CFAP92: variants seen among roughly 807,000 people sequenced by gnomAD.
CFAP92 encodes the protein uncharacterized protein CFAP92.
CFAP92 carries 86 observed loss-of-function variants against 106.3 expected under a neutral mutation model. The observed-to-expected ratio is 0.81, with a 90% CI of 0.68 to 0.97. The LOEUF (loss-of-function observed/expected upper bound fraction) is 0.97, where lower values mean the gene tolerates loss of function less well. Ranked by LOEUF, CFAP92 falls within the 50% of genes least tolerant of loss-of-function variation. The pLI, the probability that CFAP92 is intolerant of heterozygous loss-of-function variation, is 0.00. For missense variants in CFAP92, 1,204 were observed against 1,283.8 expected, an observed-to-expected ratio of 0.94 and a Z score of 0.95; for synonymous variants, 477 against 506.4, an observed-to-expected ratio of 0.94 and a Z score of 0.78.
At chr3:129,022,229 C>T in the CFAP92 span, among the ~76,000 whole-genome samples, 4 of 152,212 alleles carry the variant, frequency 2.6e-5, no homozygotes, top group Non-Finnish European at 5.9e-5. Context: ...CATAGGACCG[C>T]CAGGCCCAGC....
Position 128,993,199 on chromosome 3 carries a change from G to A in CFAP92, c.106C>T (p.His36Tyr). The change falls in exon 2 of 16, where the codon CAC becomes TAC. Residue 36 changes from histidine to tyrosine, a missense_variant. By Grantham distance (83) the His-to-Tyr change is moderately conservative. Transcript: ENST00000645291. ...QSTSECDVEE[H>Y]LKAKARAQES... is the part of the protein sequence containing the mutation. ...TGGGCCCTGGCCTTGGCCTTCAGGT[G>A]TTCCTCCACGTCACACTCGCTCGTG... 1 of 1,614,088 alleles carries A rather than the reference G, an allele frequency of 6.2e-7. No homozygotes were observed.
chr3:128,910,852 CT>C, intron 15 of CFAP92: 1 of 1,601,764 alleles, frequency 6.2e-7, no homozygotes, highest in Non-Finnish European at 8.6e-7. Context: ...GAAGGGCCCA[CT>C]TCTAGGCCCC....
At position 128,993,040 on chromosome 3, in the gene CFAP92, T is replaced by TA; in HGVS notation, c.262+2dup. 6.2e-7 allele frequency: 1 copy of TA among 1,614,044 alleles called. No homozygotes were observed. The highest frequency in any genetic ancestry group is 1.3e-5 in the African/African-American group (1 of 75,068). ...GGTGTTAAACTTCTGCTCTAGCACCTACCCATATTCACAGGGAAGGCCAGT... is the reference window on the plus strand; with the variant it reads ...GGTGTTAAACTTCTGCTCTAGCACCTAACCCATATTCACAGGGAAGGCCAGT... On this transcript the variant is annotated splice_region_variant and intron_variant, in intron 2 of 15. Coordinates refer to ENST00000645291, the MANE Select transcript of CFAP92 (RefSeq NM_001394090.1).
At chr3:128,938,655 G>A (rs535833202) in intron 10 of CFAP92, among the ~76,000 whole-genome samples, 17 of 151,878 alleles carry the variant, frequency 1.1e-4, no homozygotes, top group East Asian at 5.8e-4. Flanking sequence ...CACCACGCCC[G>A]GCTAATTTTT....
At chr3:128,931,243 A>G (rs1050177087) in intron 12 of CFAP92, among the ~76,000 whole-genome samples, 6 of 151,914 alleles carry the variant, frequency 3.9e-5, no homozygotes, top group Non-Finnish European at 8.8e-5. Flanking sequence ...CTGGAATGTA[A>G]TGGCGTGATC....
chr3:128,915,554 T>G lies in CFAP92; in HGVS notation c.2926A>C (p.Lys976Gln). The G allele has an allele frequency of 6.6e-7, 1 of 1,511,344 alleles. No homozygotes were observed. Among genetic ancestry groups the G allele is most frequent in the Non-Finnish European group, 8.8e-7 (1 of 1,134,788 alleles). 93.6% of individuals were successfully genotyped at this position (1,511,344 alleles called of 1,614,324 possible). A position where few individuals can be genotyped will look rare whatever the true frequency, so the allele number is the denominator to read the frequency against. ...LYQEIAKEPR[K>Q]RFTYSQDYLS... The stretch of plus-strand genomic sequence containing the variant: ...TAATCCTGTGAGTACGTGAATCTCT[T>G]TCTTGGCTCCTAGAAATGGGGGCAG... Residue 976 changes from lysine (K) to glutamine (Q), a missense_variant, in exon 14 of 16, where the codon AAG (lysine) becomes CAG (glutamine). Physicochemically the swap from Lys to Gln is moderately conservative, Grantham distance 53 (BLOSUM62 1). Coordinates refer to ENST00000645291, the MANE Select transcript of CFAP92 (RefSeq NM_001394090.1).
chr3:128,935,060 G>T, intron 11 of CFAP92, 65 bp downstream of exon 11: 1 of 1,323,328 alleles, frequency 7.6e-7, no homozygotes, highest in Non-Finnish European at 1.0e-6. Flanking sequence ...CTGTTTGGGT[G>T]CAGAGTGTTA....
chr3:128,962,552 C>T (rs1307031866), intron 9 of CFAP92, among the ~76,000 whole-genome samples: 3 of 152,106 alleles, frequency 2.0e-5, no homozygotes, highest in South Asian at 2.1e-4. Context: ...AATCCAAAGC[C>T]TCCTTTGCGT....
At chr3:128,993,833 C>T in intron 1 of CFAP92, 147 bp downstream of exon 1, 1 of 533,268 alleles carries the variant, frequency 1.9e-6, no homozygotes, top group Non-Finnish European at 2.5e-6. Flanking sequence ...GTGCTGGGCT[C>T]GGGGCATCAG....
intron 7 of CFAP92, among the ~76,000 whole-genome samples, chr3:128,974,289 G>A (rs971625890): frequency 5.3e-5 from 8 of 152,172 alleles, no homozygotes; most frequent in Admixed American, 3.9e-4. Flanking sequence ...CTAAAAGGAC[G>A]TGAAATGGCC....
intron 7 of CFAP92, among the ~76,000 whole-genome samples, chr3:128,973,378 C>T (rs1374797584): frequency 2.6e-5 from 4 of 152,092 alleles, no homozygotes; most frequent in Non-Finnish European, 4.4e-5. Context: ...CGCCTGAGGC[C>T]GGGCCCGGTG....
At chr3:129,018,439 T>C in the CFAP92 span, among the ~76,000 whole-genome samples, 39 of 152,386 alleles carry the variant, frequency 2.6e-4, no homozygotes, top group African/African-American at 9.4e-4. Context: ...TTAGTGTCGA[T>C]GAATAAAGTT....
upstream of CFAP92, chr3:129,003,239 T>G (rs12695512): frequency 0.6 from 587,589 of 984,862 alleles, 178,658 homozygotes; most frequent in African/African-American, 0.92. Context: ...AGTAACGTAC[T>G]GGGAGCCATG....
the CFAP92 span, among the ~76,000 whole-genome samples, chr3:129,013,650 C>T: frequency 2.6e-5 from 4 of 152,218 alleles, no homozygotes; most frequent in Non-Finnish European, 5.9e-5. Context: ...GAACCAGTCA[C>T]TGGTACCAGG....
intron 12 of CFAP92, among the ~76,000 whole-genome samples, chr3:128,925,221 C>T (rs1489267077): frequency 6.6e-6 from 1 of 152,190 alleles, no homozygotes; most frequent in Non-Finnish European, 1.5e-5. Flanking sequence ...TGAAACTGTT[C>T]CACCTCAGCT....
upstream of CFAP92, among the ~76,000 whole-genome samples, chr3:128,996,496 G>T (rs1944484864): frequency 6.6e-6 from 1 of 152,132 alleles, no homozygotes. Context: ...ATGAAGTGAG[G>T]GCAAAGGTGT....
Position 128,978,026 on chromosome 3 carries a change from A to AT in CFAP92, c.808+18_808+19insA. 6.2e-7 allele frequency: 1 copy of AT among 1,613,416 alleles called. No individual in the cohort carries two copies. The highest frequency in any genetic ancestry group is 8.5e-7 in the Non-Finnish European group (1 of 1,179,608). On this transcript the variant is annotated intron_variant, in intron 5 of 15. Coordinates refer to ENST00000645291, the MANE Select transcript of CFAP92 (RefSeq NM_001394090.1). ...ATCGCCTTGCACTCAGCTTGTCCAC[A>AT]AAGGCCTTCTCCGCTCACCTTGCAA... is the stretch of plus-strand genomic sequence containing the variant.
At chr3:128,985,487 G>T (rs566439378) in intron 4 of CFAP92, among the ~76,000 whole-genome samples, 25 of 152,232 alleles carry the variant, frequency 1.6e-4, no homozygotes, top group African/African-American at 6.0e-4. Context: ...AATACTCATA[G>T]CAGGAGGCCC....
chr3:129,001,802 C>A, intron 1 of CFAP92: 1 of 1,545,264 alleles, frequency 6.5e-7, no homozygotes, highest in Non-Finnish European at 8.7e-7. Context: ...TGGACCAGTA[C>A]CTGCAGGAGG....
Sources: allele counts gnomAD v4.1 joint callset (sites outside exome capture counted in the v4.1 genomes callset), GRCh38; gene constraint gnomAD v4.1.1; transcripts MANE v1.5; gene names NCBI Gene and HGNC (gene_info 2026-07-23, HGNC 2026-07-21).